The following SPATA13 variants were observed in gnomAD, a reference collection of about 807,000 sequenced individuals.
SPATA13 encodes spermatogenesis-associated protein 13.
In SPATA13, 50 loss-of-function variants were observed where a neutral mutation model predicts 104.0. That is an observed-to-expected ratio of 0.48 (90% CI 0.38 to 0.61). The LOEUF (loss-of-function observed/expected upper bound fraction) is 0.61. Among genes scored for constraint, SPATA13 ranks in the 20% least tolerant of loss-of-function variants. The pLI, the probability that SPATA13 is intolerant of heterozygous loss-of-function variation, is 0.00. For synonymous variants in SPATA13, 606 were observed against 667.5 expected (o/e 0.91, Z 1.42); for missense variants, 1,524 against 1,690.6 (o/e 0.90, Z 1.73).
chr13:24,104,016 C>T (rs1880355241), intron 3 of SPATA13, among the ~76,000 whole-genome samples: 1 of 152,174 alleles, frequency 6.6e-6, no homozygotes, highest in African/African-American at 2.4e-5. Context: ...TACTCTTTTC[C>T]TGCAGCCTTT....
At chr13:24,251,969 G>A (rs1031470791) in intron 4 of SPATA13, 107 bp downstream of exon 4, 19 of 1,397,336 alleles carry the variant, frequency 1.4e-5, no homozygotes, top group Non-Finnish European at 1.7e-5. Flanking sequence ...CCTTGGGCCA[G>A]GGCGCGTTTG....
chr13:24,092,148 A>C (rs1879929892), intron 3 of SPATA13, among the ~76,000 whole-genome samples: 4 of 152,216 alleles, frequency 2.6e-5, no homozygotes, highest in Admixed American at 2.6e-4. Flanking sequence ...ATGGAAGAAC[A>C]GGTTTAGGGA....
intron 3 of SPATA13, among the ~76,000 whole-genome samples, chr13:24,060,456 G>A (rs1046129810): frequency 5.5e-4 from 83 of 152,182 alleles, no homozygotes; most frequent in African/African-American, 2.0e-3. Flanking sequence ...AAACTTAAAT[G>A]TAAAACCCAA....
intron 3 of SPATA13, among the ~76,000 whole-genome samples, chr13:24,149,242 A>T (rs1050290340): frequency 6.6e-6 from 1 of 152,214 alleles, no homozygotes; most frequent in Non-Finnish European, 1.5e-5. Context: ...AAATGAATTT[A>T]GCAAATTTCC....
chr13:24,157,639 A>ATACGGGT (rs1882303253), upstream of SPATA13, among the ~76,000 whole-genome samples: 1 of 152,154 alleles, frequency 6.6e-6, no homozygotes. Context: ...GGCGGAAGCC[A>ATACGGGT]TACGGGTTAC....
intron 9 of SPATA13, among the ~76,000 whole-genome samples, chr13:24,291,748 A>AT (rs201686636): frequency 0.048 from 578 of 12,016 alleles, 6 homozygotes; most frequent in Middle Eastern, 0.12. Flanking sequence ...TTATTTTTTT[A>AT]TTTTTTTATT....
rs1239790168 is a variant in SPATA13, at chr13:24,161,191, C to T, written c.-112+259C>T. ...ACCATCGCTTTTGGGAGGACATGCA[C>T]GTGGTGTTCTCGCAAAAGGCCGTTT... is the stretch of plus-strand genomic sequence containing the variant. On this transcript the variant is annotated intron_variant, in intron 1 of 12. Coordinates refer to ENST00000382108, the MANE Select transcript of SPATA13 (RefSeq NM_001166271.3). This position sits in a 1 kb window ranked among gnomAD's most constrained non-coding sequence, Gnocchi z 4.5. Among the ~76,000 whole-genome samples, 1 of 152,158 alleles carries T rather than the reference C, an allele frequency of 6.6e-6. No homozygotes were observed. Among genetic ancestry groups the T allele is most frequent in the Non-Finnish European group, 1.5e-5 (1 of 68,034 alleles).
chr13:24,197,473 G>A (rs1870128736), intron 1 of SPATA13, among the ~76,000 whole-genome samples: 1 of 152,180 alleles, frequency 6.6e-6, no homozygotes, highest in East Asian at 1.9e-4. Flanking sequence ...TAGTCTGTCA[G>A]GAAAGGCGTG....
chr13:24,169,377 A>C (rs1339677569), intron 1 of SPATA13, among the ~76,000 whole-genome samples: 1 of 152,196 alleles, frequency 6.6e-6, no homozygotes, highest in Non-Finnish European at 1.5e-5. Context: ...CTGGGTAAGC[A>C]AAAGTGGCAG....
At chr13:24,193,590 G>A (rs1010233667) in intron 1 of SPATA13, among the ~76,000 whole-genome samples, 1 of 152,174 alleles carries the variant, frequency 6.6e-6, no homozygotes, top group African/African-American at 2.4e-5. Context: ...GGAAGGGGCA[G>A]GAACAGGAGG....
At chr13:24,128,886 G>T (rs2137832701) in intron 3 of SPATA13, among the ~76,000 whole-genome samples, 1 of 152,238 alleles carries the variant, frequency 6.6e-6, no homozygotes. Flanking sequence ...GAAAACAAGT[G>T]AGCTAAAACC....
At chr13:24,123,428 C>T in intron 3 of SPATA13, 1 of 1,396,542 alleles carries the variant, frequency 7.2e-7, no homozygotes, top group Non-Finnish European at 1.0e-6. Flanking sequence ...CATGATTCTG[C>T]AACATGCATT....
At chr13:24,248,359 AC>A (rs772890790) in intron 2 of SPATA13, among the ~76,000 whole-genome samples, 76 of 152,332 alleles carry the variant, frequency 5.0e-4, no homozygotes, top group Non-Finnish European at 6.5e-4. Flanking sequence ...AAGTTAGGTG[AC>A]TTGCCTGAGA....
chr13:24,100,301 C>T (rs1880215520), intron 3 of SPATA13, among the ~76,000 whole-genome samples: 1 of 152,232 alleles, frequency 6.6e-6, no homozygotes, highest in Non-Finnish European at 1.5e-5. Flanking sequence ...ACTCTGCTGG[C>T]TCAGAGGTAC....
chr13:24,042,259 G>C (rs1877959756), intron 3 of SPATA13, among the ~76,000 whole-genome samples: 1 of 152,144 alleles, frequency 6.6e-6, no homozygotes. Context: ...TTGCCCTGAG[G>C]CTGATAGATA....
chr13:24,082,193 G>A (rs1443897777), intron 3 of SPATA13, among the ~76,000 whole-genome samples: 7 of 152,212 alleles, frequency 4.6e-5, no homozygotes, highest in Non-Finnish European at 8.8e-5. Context: ...TGCAAGGATA[G>A]CAATATCTCT....
intron 2 of SPATA13, among the ~76,000 whole-genome samples, chr13:24,009,125 GCCTGCTATCC>G (rs1876359048): frequency 6.6e-6 from 1 of 152,158 alleles, no homozygotes; most frequent in Non-Finnish European, 1.5e-5. Context: ...ACCTCAGCCA[GCCTGCTATCC>G]CCACCTAAAC....
At chr13:24,273,972 G>A (rs977018324) in intron 4 of SPATA13, among the ~76,000 whole-genome samples, 8 of 152,198 alleles carry the variant, frequency 5.3e-5, no homozygotes, top group African/African-American at 1.4e-4. Flanking sequence ...TTACAGGCAT[G>A]AGCCACTGCG....
At chr13:24,035,943 G>A (rs891208384) in intron 3 of SPATA13, among the ~76,000 whole-genome samples, 2 of 151,338 alleles carry the variant, frequency 1.3e-5, no homozygotes, top group Non-Finnish European at 2.9e-5. Context: ...TGAGCCCGGA[G>A]GTTGAGGCCA....
Sources: allele counts gnomAD v4.1 joint callset (sites outside exome capture counted in the v4.1 genomes callset), GRCh38; gene constraint gnomAD v4.1.1; non-coding constraint Gnocchi (gnomAD v3.1); transcripts MANE v1.5; gene names NCBI Gene and HGNC (gene_info 2026-07-23, HGNC 2026-07-21).